The following PUM2 variants were observed in gnomAD, a reference collection of about 807,000 sequenced individuals.
PUM2 encodes pumilio RNA binding family member 2, also known as pumilio homolog 2.
In PUM2, 57 loss-of-function variants were observed where a neutral mutation model predicts 124.5. That is an observed-to-expected ratio of 0.46 (90% CI 0.37 to 0.57). The LOEUF is 0.57. Among genes scored for constraint, PUM2 ranks in the 20% least tolerant of loss-of-function variants. PUM2 has a pLI of 0.00. For synonymous variants in PUM2, 460 were observed against 446.1 expected (o/e 1.03, Z -0.39); for missense variants, 1,065 against 1,290.6 (o/e 0.83, Z 2.68).
chr2:20,345,176 T>G (rs1041121462), intron 1 of PUM2, among the ~76,000 whole-genome samples: 2 of 150,554 alleles, frequency 1.3e-5, no homozygotes. Context: ...CACAACTCAC[T>G]GCAGCCTCAG....
intron 1 of PUM2, among the ~76,000 whole-genome samples, chr2:20,330,017 T>A (rs1228571737): frequency 6.6e-6 from 1 of 150,946 alleles, no homozygotes; most frequent in East Asian, 2.0e-4. Flanking sequence ...AAAAAAAAAA[T>A]TCCACACTTA....
At chr2:20,319,972 A>G (rs1165251672) in intron 2 of PUM2, among the ~76,000 whole-genome samples, 2 of 152,228 alleles carry the variant, frequency 1.3e-5, no homozygotes, top group Non-Finnish European at 2.9e-5. Context: ...AGCAAGAACT[A>G]AAAGAGGGTA....
intron 1 of PUM2, among the ~76,000 whole-genome samples, chr2:20,344,965 G>A (rs1490863826): frequency 3.1e-5 from 4 of 131,036 alleles, no homozygotes; most frequent in African/African-American, 1.2e-4. Flanking sequence ...CCAGAGCAAC[G>A]GAGGGAGACT....
intron 3 of PUM2, among the ~76,000 whole-genome samples, chr2:20,317,899 A>G (rs1422772391): frequency 6.6e-6 from 1 of 152,150 alleles, no homozygotes; most frequent in Non-Finnish European, 1.5e-5. Context: ...ATAGTGTTCC[A>G]TGGTGCATAT....
intron 1 of PUM2, among the ~76,000 whole-genome samples, chr2:20,332,813 T>C (rs576676134): frequency 6.6e-6 from 1 of 152,360 alleles, no homozygotes; most frequent in East Asian, 1.9e-4. Context: ...CAACTGGTTA[T>C]ATACTATTTC....
intron 8 of PUM2, 140 bp downstream of exon 8, chr2:20,297,413 G>T: frequency 1.2e-6 from 1 of 803,556 alleles, no homozygotes; most frequent in Non-Finnish European, 1.8e-6. Flanking sequence ...TAACTTCCTG[G>T]AAACTTTAGT....
intron 4 of PUM2, 104 bp downstream of exon 4, chr2:20,312,132 G>C: frequency 9.3e-7 from 1 of 1,076,180 alleles, no homozygotes; most frequent in East Asian, 2.6e-5. Flanking sequence ...ATTTCTCTTA[G>C]CTATAGGAAG....
chr2:20,307,903 T>C (rs779873434), intron 7 of PUM2, 75 bp downstream of exon 7: 72 of 1,539,580 alleles, frequency 4.7e-5, no homozygotes, highest in Admixed American at 1.4e-4. Context: ...ACCTCACCAA[T>C]CAGTAAACGA....
intron 1 of PUM2, among the ~76,000 whole-genome samples, chr2:20,333,228 T>C (rs924418849): frequency 2.0e-5 from 3 of 152,188 alleles, no homozygotes; most frequent in African/African-American, 4.8e-5. Context: ...TCCTATTTAC[T>C]AGTGCATAAT....
intron 13 of PUM2, among the ~76,000 whole-genome samples, chr2:20,267,463 T>C (rs964235930): frequency 4.6e-5 from 7 of 152,144 alleles, no homozygotes; most frequent in African/African-American, 1.4e-4. Context: ...GTTTTGCAAT[T>C]TTCCCATTAG....
chr2:20,319,292 ATTCTTT>A (rs1681742255), intron 2 of PUM2, among the ~76,000 whole-genome samples: 1 of 152,238 alleles, frequency 6.6e-6, no homozygotes, highest in Admixed American at 6.5e-5. Flanking sequence ...GACAATTCTT[ATTCTTT>A]AATATTCATT....
intron 14 of PUM2, among the ~76,000 whole-genome samples, 195 bp downstream of exon 14, chr2:20,262,998 G>A (rs1666668696): frequency 6.6e-6 from 1 of 151,956 alleles, no homozygotes; most frequent in African/African-American, 2.4e-5. Context: ...TAAAAAACTG[G>A]AAAACTATAA....
intron 20 of PUM2, among the ~76,000 whole-genome samples, chr2:20,252,281 G>C (rs1663596148): frequency 6.6e-6 from 1 of 152,130 alleles, no homozygotes; most frequent in South Asian, 2.1e-4. Flanking sequence ...CTAAAAGCAT[G>C]CATGCCTGTA....
chr2:20,302,653 C>G (rs1677268022), intron 7 of PUM2, among the ~76,000 whole-genome samples: 1 of 152,102 alleles, frequency 6.6e-6, no homozygotes, highest in Admixed American at 6.5e-5. Flanking sequence ...GAGTCCAGTA[C>G]CACACTATTT....
intron 12 of PUM2, among the ~76,000 whole-genome samples, chr2:20,281,639 T>A (rs1671552892): frequency 6.6e-6 from 1 of 152,012 alleles, no homozygotes; most frequent in Non-Finnish European, 1.5e-5. Context: ...CCTATGGGAG[T>A]GCGTGAGGTG....
At chr2:20,295,071 C>A (rs1284245335) in intron 8 of PUM2, among the ~76,000 whole-genome samples, 1 of 151,936 alleles carries the variant, frequency 6.6e-6, no homozygotes, top group East Asian at 1.9e-4. Flanking sequence ...TATAAGAAAA[C>A]AAATGAGACG....
intron 7 of PUM2, among the ~76,000 whole-genome samples, chr2:20,305,463 GAAAAAAAA>G (rs67834545): frequency 4.5e-4 from 21 of 46,160 alleles, no homozygotes; most frequent in East Asian, 1.4e-3. Flanking sequence ...CCCTGTCTTC[GAAAAAAAA>G]AAAAAAAAAA....
chr2:20,325,554 TATATACA>T (rs1381310327), intron 2 of PUM2, among the ~76,000 whole-genome samples: 5 of 151,824 alleles, frequency 3.3e-5, no homozygotes, highest in Admixed American at 6.6e-5. Flanking sequence ...TTTGAAAACA[TATATACA>T]ATATACATCT....
intron 1 of PUM2, among the ~76,000 whole-genome samples, chr2:20,338,730 A>G (rs1686627763): frequency 6.6e-6 from 1 of 152,324 alleles, no homozygotes; most frequent in African/African-American, 2.4e-5. Flanking sequence ...AGTAATAGGG[A>G]AGGGAAATGA....
Sources: allele counts gnomAD v4.1 joint callset (sites outside exome capture counted in the v4.1 genomes callset), GRCh38; gene constraint gnomAD v4.1.1; transcripts MANE v1.5; gene names NCBI Gene and HGNC (gene_info 2026-07-23, HGNC 2026-07-21).